The following EARS2 variants were observed in gnomAD, a reference collection of about 807,000 sequenced individuals.
The protein encoded by EARS2 is nondiscriminating glutamyl-tRNA synthetase EARS2, mitochondrial.
Under a neutral mutation model 54.1 loss-of-function variants are expected in EARS2, and 50 were observed. The observed-to-expected ratio is 0.92, with a 90% CI of 0.74 to 1.17. EARS2 has a LOEUF of 1.17. EARS2 is among the 50% of genes most tolerant of loss of function. EARS2 has a pLI of 0.00. For synonymous variants in EARS2, 298 were observed against 281.0 expected (o/e 1.06, Z -0.61); for missense variants, 673 against 675.0 (o/e 1.00, Z 0.03).
chr16:23,522,440 T>C lies in EARS2; in HGVS notation c.*1931A>G, dbSNP rs1965154221. 1 of 152,308 alleles carries C rather than the reference T, an allele frequency of 6.6e-6. No individual in the cohort carries two copies. Among genetic ancestry groups the C allele is most frequent in the Non-Finnish European group, 1.5e-5 (1 of 68,202 alleles). The allele number at this position is 152,308 out of a possible 1,614,324, so 9.4% of individuals were successfully genotyped here. A position where few individuals can be genotyped will look rare whatever the true frequency, so the allele number is the denominator to read the frequency against. ...AGACAAGATTGGCCATTAGCTCCTG[T>C]AGCTAGTTCCTGTCTTTTCCAAAAC... On this transcript the variant is annotated 3_prime_UTR_variant, in exon 9 of 9. Coordinates refer to ENST00000449606, the MANE Select transcript of EARS2 (RefSeq NM_001083614.2).
Position 23,552,148 on chromosome 16 carries a change from C to A in EARS2, c.295+1G>T. The A allele has an allele frequency of 6.2e-7, 1 of 1,613,190 alleles. No individual in the cohort carries two copies. The highest frequency in any genetic ancestry group is 8.5e-7 in the Non-Finnish European group (1 of 1,179,326). ...AAAGATCCTTTCTCTGCCAGGCTTACCTGCCCACTCCAGCATGTCCTCAAT... is the reference window on the plus strand; with the variant it reads ...AAAGATCCTTTCTCTGCCAGGCTTAACTGCCCACTCCAGCATGTCCTCAAT... On this transcript the variant is annotated splice_donor_variant, in intron 2 of 8. Coordinates refer to ENST00000449606, the MANE Select transcript of EARS2 (RefSeq NM_001083614.2). LOFTEE classifies it high-confidence loss of function.
rs1366954580 is a variant in EARS2, at chr16:23,532,730, T to G, written c.994A>C (p.Thr332Pro). The change falls in exon 5 of 9, where the codon ACA (threonine) becomes CCA (proline). Residue 332 changes from threonine to proline, a missense_variant. Coordinates refer to ENST00000449606, the MANE Select transcript of EARS2 (RefSeq NM_001083614.2). ...QMGRTLPELI[T>P]QFNLTQVTCH... is the part of the protein sequence containing the mutation. The stretch of plus-strand genomic sequence containing the variant: ...GTGACCTGTGTCAGGTTGAACTGTG[T>G]GATCAGCTCCGGCAGGGTCCTGCCC... The G allele has an allele frequency of 6.2e-7, 1 of 1,614,084 alleles. No individual in the cohort carries two copies. The highest frequency in any genetic ancestry group is 8.5e-7 in the Non-Finnish European group (1 of 1,179,980).
At position 23,525,229 on chromosome 16, in the gene EARS2, G is replaced by A. The variant is rs201607271; in HGVS notation, c.1488+15C>T. Reference sequence around the variant, plus strand: ...GGGGCTCCAGGGAACAATCCAACCCGTGTCCCTGCCTCACCTGCTGTCCAC... The same window carrying A: ...GGGGCTCCAGGGAACAATCCAACCCATGTCCCTGCCTCACCTGCTGTCCAC... On this transcript the variant is annotated intron_variant, in intron 8 of 8. Transcript: ENST00000449606. The A allele has an allele frequency of 1.5e-4, 237 of 1,614,114 alleles. 2 individuals carry two copies. The East Asian group carries it at 3.3e-3, about 23-fold the overall frequency.
chr16:23,544,953 T>C, intron 2 of EARS2: 1 of 381,628 alleles, frequency 2.6e-6, no homozygotes, highest in East Asian at 4.1e-5. Flanking sequence ...GCGGTTCTCC[T>C]GCCTCAGCCT....
intron 5 of EARS2, 47 bp downstream of exon 5, chr16:23,532,610 G>T: frequency 1.4e-6 from 2 of 1,439,456 alleles, no homozygotes; most frequent in Non-Finnish European, 9.7e-7. Flanking sequence ...ATCATCATAA[G>T]CAAGAAAGCC....
rs1427696382 is a variant in EARS2, at chr16:23,544,582, G to A, written c.417C>T (p.Pro139=). The A allele has an allele frequency of 6.2e-7, 1 of 1,614,040 alleles. No homozygotes were observed. The highest frequency in any genetic ancestry group is 8.5e-7 in the Non-Finnish European group (1 of 1,179,992). The change falls in exon 3 of 9, where the codon CCC becomes CCT. Residue 139 remains proline, a synonymous_variant. Coordinates refer to ENST00000449606, the MANE Select transcript of EARS2 (RefSeq NM_001083614.2). ...CCAGCCGCTGGGGTGAGCAGAAACA[G>A]GGGTAAGCAGCTCCGGTCTTCAGCA... ...EALLKTGAAY[P]CFCSPQRLEL...
At chr16:23,529,130 G>C (rs990434304) in intron 7 of EARS2, among the ~76,000 whole-genome samples, 1 of 152,214 alleles carries the variant, frequency 6.6e-6, no homozygotes, top group South Asian at 2.1e-4. Flanking sequence ...GTTTGTAATT[G>C]AAAGTTATTA....
chr16:23,531,657 G>A (rs1965329668), intron 5 of EARS2, among the ~76,000 whole-genome samples: 1 of 152,194 alleles, frequency 6.6e-6, no homozygotes, highest in East Asian at 1.9e-4. Context: ...GATGGGAGAA[G>A]TAAATAAAGT....
At chr16:23,545,516 G>A (rs977192230) in intron 2 of EARS2, among the ~76,000 whole-genome samples, 6 of 152,152 alleles carry the variant, frequency 3.9e-5, no homozygotes, top group East Asian at 1.9e-4. Context: ...AGGTAGGTGC[G>A]GTTATTCCCC....
intron 5 of EARS2, among the ~76,000 whole-genome samples, chr16:23,530,346 C>T (rs1276273708): frequency 4.6e-5 from 7 of 152,196 alleles, no homozygotes; most frequent in Non-Finnish European, 7.3e-5. Context: ...GGCTAGGCAA[C>T]AACAAGCAAT....
At chr16:23,545,378 G>A (rs1567387511) in intron 2 of EARS2, 1 of 152,078 alleles carries the variant, frequency 6.6e-6, no homozygotes, top group Non-Finnish European at 1.5e-5. Context: ...ATCAGGCCCT[G>A]GTGGGACTCA....
chr16:23,527,168 G>A (rs1965242975), intron 7 of EARS2, among the ~76,000 whole-genome samples: 1 of 152,118 alleles, frequency 6.6e-6, no homozygotes, highest in African/African-American at 2.4e-5. Context: ...GTCAAGCTAT[G>A]TTGCCCAGGC....
In EARS2 at chr16:23,534,968, A is replaced by G. The variant is rs201279526; in HGVS notation, c.878T>C (p.Phe293Ser). The G allele has an allele frequency of 6.1e-5, 99 of 1,611,748 alleles. No individual in the cohort carries two copies. In the African/African-American group the frequency reaches 1.1e-3, roughly 18 times the overall value. The change falls in exon 4 of 9, where the codon TTC (phenylalanine) becomes TCC (serine). Residue 293 changes from phenylalanine (F) to serine (S), a missense_variant. Physicochemically the swap from Phe to Ser is radical, Grantham distance 155. Transcript: ENST00000449606. ...SKLSKRQGDV[F>S]LEHFAADGFL... ...GCCATCAGCAGCAAAGTGCTCCAGG[A>G]AAACGTCCCCTTGCCTCTTGGAGAG...
intron 2 of EARS2, 65 bp downstream of exon 2, chr16:23,552,084 C>A: frequency 6.4e-7 from 1 of 1,571,752 alleles, no homozygotes; most frequent in Non-Finnish European, 8.6e-7. Flanking sequence ...TGAGAAGACC[C>A]ACAGGCTCCT....
intron 2 of EARS2, among the ~76,000 whole-genome samples, chr16:23,547,824 T>A (rs1299533113): frequency 6.6e-6 from 1 of 151,968 alleles, no homozygotes; most frequent in Non-Finnish European, 1.5e-5. Flanking sequence ...AGGCTGGGCA[T>A]GCTGGGTCAT....
chr16:23,538,170 GTTTT>G (rs980212283), intron 3 of EARS2, among the ~76,000 whole-genome samples: 5 of 151,022 alleles, frequency 3.3e-5, no homozygotes, highest in African/African-American at 1.2e-4. Flanking sequence ...TCCTAGTTGG[GTTTT>G]TTTGTTTTTT....
intron 7 of EARS2, among the ~76,000 whole-genome samples, chr16:23,528,884 TC>T (rs1327528368): frequency 6.6e-6 from 1 of 152,228 alleles, no homozygotes; most frequent in Non-Finnish European, 1.5e-5. Context: ...ACATGCGCTG[TC>T]ATTTCTTTTG....
intron 5 of EARS2, among the ~76,000 whole-genome samples, chr16:23,530,140 TTTTG>T: frequency 6.6e-6 from 1 of 152,296 alleles, no homozygotes. Context: ...TGGTTTTTGT[TTTTG>T]TTTGAGAGTC....
Position 23,529,582 on chromosome 16 carries a change from C to T in EARS2, c.1272G>A (p.Leu424=). 1.2e-6 allele frequency: 2 copies of T among 1,614,164 alleles called. No individual in the cohort carries two copies. Among genetic ancestry groups the T allele is most frequent in the Non-Finnish European group, 1.7e-6 (2 of 1,180,018 alleles). Residue 424 remains leucine (L), a synonymous_variant, in exon 7 of 9, where the codon CTG becomes CTA. Coordinates refer to ENST00000449606, the MANE Select transcript of EARS2 (RefSeq NM_001083614.2). ...QDLVSPVYSY[L]WTRPAVGRAQ... ...CTCGACCTACTGCAGGGCGAGTCCA[C>T]AGGTAAGAGTATACTGGGGACACCA...
Sources: gnomAD v4.1 joint callset for allele counts (sites outside exome capture counted in the v4.1 genomes callset) on GRCh38, gnomAD v4.1.1 for gene constraint, MANE v1.5 for transcripts, NCBI Gene and HGNC (gene_info 2026-07-23, HGNC 2026-07-21) for gene names.